The following NFIL3 variants were observed in gnomAD, a reference collection of about 807,000 sequenced individuals.
The protein encoded by NFIL3 is nuclear factor, interleukin 3 regulated.
Under a neutral mutation model 10.0 loss-of-function variants are expected in NFIL3, and 5 were observed. That is an observed-to-expected ratio of 0.50 (90% CI 0.26 to 1.06). NFIL3 has a LOEUF of 1.06. NFIL3 is among the 50% of genes least tolerant of loss of function. The probability of loss-of-function intolerance (pLI) is 0.13; values close to 1 mark genes in which losing one functional copy is unlikely to be tolerated. For missense variants in NFIL3, 436 were observed against 547.6 expected (o/e 0.80, Z 2.03); for synonymous variants, 202 against 206.5 (o/e 0.98, Z 0.19).
the NFIL3 span, among the ~76,000 whole-genome samples, chr9:91,432,096 C>G: frequency 4.6e-5 from 7 of 152,310 alleles, no homozygotes; most frequent in Middle Eastern, 3.4e-3. Flanking sequence ...GGGCCAGGAA[C>G]CTGTCTTTCC....
At chr9:91,451,922 G>T in the NFIL3 span, among the ~76,000 whole-genome samples, 1 of 152,166 alleles carries the variant, frequency 6.6e-6, no homozygotes, top group African/African-American at 2.4e-5. Flanking sequence ...CTTGCAAGTA[G>T]AGTAAAATCC....
At chr9:91,465,645 T>C in the NFIL3 span, among the ~76,000 whole-genome samples, 1 of 151,986 alleles carries the variant, frequency 6.6e-6, no homozygotes, top group African/African-American at 2.4e-5. Context: ...GTGTGTGCAT[T>C]TTTTTTTCCT....
the NFIL3 span, among the ~76,000 whole-genome samples, chr9:91,475,127 C>CA: frequency 6.6e-6 from 1 of 152,304 alleles, no homozygotes; most frequent in East Asian, 1.9e-4. Flanking sequence ...CTTGAGCATT[C>CA]ATTGTTATCA....
the NFIL3 span, among the ~76,000 whole-genome samples, chr9:91,429,695 C>T: frequency 1.3e-5 from 2 of 152,246 alleles, no homozygotes; most frequent in South Asian, 4.1e-4. Context: ...GATTCAGGTG[C>T]CATTGTGTTT....
chr9:91,427,732 C>G (rs1325584052), upstream of NFIL3, among the ~76,000 whole-genome samples: 1 of 152,084 alleles, frequency 6.6e-6, no homozygotes, highest in African/African-American at 2.4e-5. Flanking sequence ...CTTGACCCCC[C>G]CAGGCTCAAG....
the NFIL3 span, among the ~76,000 whole-genome samples, chr9:91,442,399 A>G: frequency 2.0e-5 from 3 of 152,234 alleles, no homozygotes; most frequent in African/African-American, 7.2e-5. Flanking sequence ...TCACTTCACC[A>G]GCCAGAAACC....
At chr9:91,435,384 C>T in the NFIL3 span, among the ~76,000 whole-genome samples, 1 of 152,158 alleles carries the variant, frequency 6.6e-6, no homozygotes, top group East Asian at 1.9e-4. Flanking sequence ...TCTCTTTCAC[C>T]ATCAAATTTT....
chr9:91,416,337 C>A (rs886459989), intron 1 of NFIL3, among the ~76,000 whole-genome samples: 3 of 152,106 alleles, frequency 2.0e-5, no homozygotes, highest in Non-Finnish European at 4.4e-5. Flanking sequence ...TGCCCCTCAA[C>A]AATGAACTTA....
the NFIL3 span, among the ~76,000 whole-genome samples, chr9:91,449,305 T>C: frequency 6.6e-6 from 1 of 152,156 alleles, no homozygotes; most frequent in East Asian, 1.9e-4. Flanking sequence ...AGAATTTTAG[T>C]TTTTTGCCAT....
chr9:91,457,535 C>T, the NFIL3 span, among the ~76,000 whole-genome samples: 1 of 151,850 alleles, frequency 6.6e-6, no homozygotes, highest in East Asian at 1.9e-4. Flanking sequence ...TTCATTGTTA[C>T]CATATAGAAA....
chr9:91,447,947 G>T, the NFIL3 span, among the ~76,000 whole-genome samples: 1 of 152,214 alleles, frequency 6.6e-6, no homozygotes, highest in East Asian at 1.9e-4. Flanking sequence ...ATTCTTTCCT[G>T]TAAGAGTTTT....
the NFIL3 span, among the ~76,000 whole-genome samples, chr9:91,434,671 T>G: frequency 5.3e-5 from 8 of 152,332 alleles, no homozygotes; most frequent in Admixed American, 3.3e-4. Context: ...GAAAAAGGTT[T>G]AACATTCTTA....
At chr9:91,420,352 TACACACACACACACAC>T (rs144270881) in intron 1 of NFIL3, among the ~76,000 whole-genome samples, 13 of 144,500 alleles carry the variant, frequency 9.0e-5, no homozygotes, top group Admixed American at 2.8e-4. Context: ...TGAAGGTAAA[TACACACACACACACAC>T]ACACACACAC....
At chr9:91,448,793 T>C in the NFIL3 span, among the ~76,000 whole-genome samples, 7 of 152,202 alleles carry the variant, frequency 4.6e-5, no homozygotes, top group African/African-American at 1.7e-4. Flanking sequence ...AGAATCTTGA[T>C]GGGGATTGCA....
At chr9:91,447,955 T>G in the NFIL3 span, among the ~76,000 whole-genome samples, 4 of 152,214 alleles carry the variant, frequency 2.6e-5, no homozygotes, top group Non-Finnish European at 5.9e-5. Context: ...CTGTAAGAGT[T>G]TTATGGTTTA....
chr9:91,409,357 C>G lies in NFIL3; in HGVS notation c.1378G>C (p.Asp460His). 6.4e-7 allele frequency: 1 copy of G among 1,568,566 alleles called. No individual in the cohort carries two copies. The highest frequency in any genetic ancestry group is 8.6e-7 in the Non-Finnish European group (1 of 1,159,456). The stretch of plus-strand genomic sequence containing the variant: ...TACTCAGTAGTAATTTACCCAGAGT[C>G]TGAAGCAGAGATTGGTTGTGTGGCT... ...LIATQPISAS[D>H]SG The change falls in exon 2 of 2, where the codon GAC (aspartate) becomes CAC (histidine). Residue 460 changes from aspartate (D) to histidine (H), a missense_variant. Physicochemically the swap from Asp to His is moderately conservative, Grantham distance 81. Transcript: ENST00000297689.
the NFIL3 span, among the ~76,000 whole-genome samples, chr9:91,443,499 C>A: frequency 6.6e-6 from 1 of 152,272 alleles, no homozygotes; most frequent in South Asian, 2.1e-4. Flanking sequence ...TGGCCTCCCA[C>A]TTGTGCTGGT....
chr9:91,458,738 A>T, the NFIL3 span, among the ~76,000 whole-genome samples: 2 of 152,152 alleles, frequency 1.3e-5, no homozygotes, highest in Non-Finnish European at 2.9e-5. Context: ...GTTCTATCAA[A>T]GTCATTAGAA....
At chr9:91,420,041 GA>G (rs941405959) in intron 1 of NFIL3, among the ~76,000 whole-genome samples, 7 of 151,988 alleles carry the variant, frequency 4.6e-5, no homozygotes, top group African/African-American at 1.7e-4. Context: ...ATGTGTAAGG[GA>G]ATTGGAAAAA....
Sources: allele counts gnomAD v4.1 joint callset (sites outside exome capture counted in the v4.1 genomes callset), GRCh38; gene constraint gnomAD v4.1.1; transcripts MANE v1.5; gene names NCBI Gene and HGNC (gene_info 2026-07-23, HGNC 2026-07-21).